Variants in PPA2 observed in about 807,000 individuals in gnomAD.
PPA2 encodes inorganic pyrophosphatase 2, mitochondrial.
Under a neutral mutation model 49.5 loss-of-function variants are expected in PPA2, and 48 were observed. The observed-to-expected ratio is 0.97, with a 90% CI of 0.77 to 1.23. The LOEUF is 1.23. PPA2 is among the 50% of genes most tolerant of loss of function. The pLI, the probability that PPA2 is intolerant of heterozygous loss-of-function variation, is 0.00. For synonymous variants in PPA2, 131 were observed against 139.9 expected, an observed-to-expected ratio of 0.94 and a Z score of 0.45; for missense variants, 429 against 410.1, an observed-to-expected ratio of 1.05 and a Z score of -0.40.
rs151230344 is a variant in PPA2 at position 105,395,104 on chromosome 4, C to T, written c.869+1145G>A. ...TAAAAAAAAAAGAGTGCTCTGCATA[C>T]GAGGTAAGAAAAAAGGGAGAAGGCC... On this transcript the variant is annotated intron_variant, in intron 9 of 11. Transcript: ENST00000341695. Among the ~76,000 whole-genome samples, 528 of 151,720 alleles carry T rather than the reference C, an allele frequency of 3.5e-3. 2 individuals are homozygous for T. The highest frequency in any genetic ancestry group is 0.012 in the African/African-American group (503 of 41,378).
rs529239215 is a variant in PPA2, at chr4:105,448,717, C to G, written c.321+633G>C. ...CCTAATAAATTAAAATTGCCATCAG[C>G]CCCAAATAAAAGTTTCAGTTCCATC... On this transcript the variant is annotated intron_variant, in intron 4 of 11. Transcript: ENST00000341695. Among the ~76,000 whole-genome samples the G allele has an allele frequency of 2.0e-4, 31 of 151,958 alleles. No homozygotes were observed. In the South Asian group the frequency reaches 6.2e-3, roughly 31 times the overall value.
chr4:105,447,292 G>A (rs1346076458), intron 4 of PPA2, among the ~76,000 whole-genome samples: 1 of 152,156 alleles, frequency 6.6e-6, no homozygotes, highest in African/African-American at 2.4e-5. Flanking sequence ...GCCAGGCACA[G>A]AAAGACAAAT....
chr4:105,415,480 C>A (rs914591710), intron 7 of PPA2, among the ~76,000 whole-genome samples: 1 of 152,238 alleles, frequency 6.6e-6, no homozygotes, highest in African/African-American at 2.4e-5. Context: ...TCGGCCTCGA[C>A]TTCACTCCAA....
intron 7 of PPA2, among the ~76,000 whole-genome samples, chr4:105,402,461 A>AAAGGAG (rs1722255631): frequency 6.6e-6 from 1 of 152,220 alleles, no homozygotes; most frequent in South Asian, 2.1e-4. Context: ...CAGGTATCTG[A>AAAGGAG]AAGGAGTGCA....
At chr4:105,378,141 G>A (rs116234202) in intron 10 of PPA2, among the ~76,000 whole-genome samples, 1 of 152,260 alleles carries the variant, frequency 6.6e-6, no homozygotes, top group African/African-American at 2.4e-5. Flanking sequence ...CCAGATGGTT[G>A]TACTATTTTG....
intron 3 of PPA2, 149 bp downstream of exon 3, chr4:105,453,449 C>G: frequency 3.8e-6 from 2 of 522,100 alleles, no homozygotes; most frequent in Non-Finnish European, 6.7e-6. Flanking sequence ...AATAGCTGCC[C>G]TAGCTGCCTT....
chr4:105,387,443 C>G (rs1409924459), intron 9 of PPA2, among the ~76,000 whole-genome samples: 1 of 152,124 alleles, frequency 6.6e-6, no homozygotes, highest in East Asian at 1.9e-4. Flanking sequence ...TAAACATATT[C>G]CCCCTCAAGT....
chr4:105,419,001 C>G (rs75275926), intron 7 of PPA2, among the ~76,000 whole-genome samples: 3,098 of 152,280 alleles, frequency 0.02, 47 homozygotes, highest in Middle Eastern at 0.061. Flanking sequence ...CTATTATTCA[C>G]ACTGGCCAAG....
At chr4:105,439,862 G>C (rs1296510467) in intron 5 of PPA2, among the ~76,000 whole-genome samples, 4 of 108,042 alleles carry the variant, frequency 3.7e-5, no homozygotes, top group Non-Finnish European at 6.9e-5. Flanking sequence ...ACAGTCCCCA[G>C]TGTGTGATGC....
At chr4:105,447,729 CTTTTTTCT>C (rs1392185468) in intron 4 of PPA2, among the ~76,000 whole-genome samples, 1 of 134,908 alleles carries the variant, frequency 7.4e-6, no homozygotes, top group Non-Finnish European at 1.6e-5. Flanking sequence ...AGTTAGTTTT[CTTTTTTCT>C]TTTTTTTTTT....
At chr4:105,473,579 G>A in intron 1 of PPA2, 1 of 575,430 alleles carries the variant, frequency 1.7e-6, no homozygotes, top group South Asian at 1.5e-5. Flanking sequence ...GCCGCCGCGG[G>A]GTGGCCGCTT....
At chr4:105,460,487 T>C (rs2110322991) in intron 1 of PPA2, among the ~76,000 whole-genome samples, 1 of 152,320 alleles carries the variant, frequency 6.6e-6, no homozygotes, top group South Asian at 2.1e-4. Flanking sequence ...CTGTAATGTA[T>C]AAATGGAAGC....
intron 7 of PPA2, among the ~76,000 whole-genome samples, chr4:105,414,873 T>A (rs1407813011): frequency 6.6e-6 from 1 of 152,170 alleles, no homozygotes; most frequent in Non-Finnish European, 1.5e-5. Flanking sequence ...CAAGGTGATT[T>A]ACTGACAGTA....
At position 105,369,680 on chromosome 4, in the gene PPA2, T is replaced by TCTTGGAGA. The variant is rs1732945758; in HGVS notation, c.*44_*45insTCTCCAAG. The stretch of plus-strand genomic sequence containing the variant: ...ACCCCCTTGTCTCTAGCACTTGGAG[T>TCTTGGAGA]CCTTAGAGATGGGAATCTTGACAGC... On this transcript the variant is annotated 3_prime_UTR_variant, in exon 12 of 12. Coordinates refer to ENST00000341695, the MANE Select transcript of PPA2 (RefSeq NM_176869.3). The TCTTGGAGA allele has an allele frequency of 8.9e-7, 1 of 1,128,574 alleles. No homozygotes were observed. Among genetic ancestry groups the TCTTGGAGA allele is most frequent in the Non-Finnish European group, 1.2e-6 (1 of 817,308 alleles). 69.9% of individuals were successfully genotyped at this position (1,128,574 alleles called of 1,614,324 possible).
intron 1 of PPA2, among the ~76,000 whole-genome samples, chr4:105,466,213 C>T (rs1279585764): frequency 6.6e-6 from 1 of 151,964 alleles, no homozygotes; most frequent in Non-Finnish European, 1.5e-5. Flanking sequence ...ATAGAGAACA[C>T]CCACTTGACC....
rs192614761 is a variant in PPA2, at chr4:105,441,099, G to T, written c.442-3063C>A. Among the ~76,000 whole-genome samples, 12 of 152,320 alleles carry T rather than the reference G, an allele frequency of 7.9e-5. No individual in the cohort carries two copies. The Middle Eastern group carries it at 0.01, about 130-fold the overall frequency. ...AGCTTTGGTTATGCCCTCTTGTGGA[G>T]TCTTATGTGTGTAACTATTAACAGA... On this transcript the variant is annotated intron_variant, in intron 5 of 11. Transcript: ENST00000341695.
intron 4 of PPA2, among the ~76,000 whole-genome samples, chr4:105,448,868 C>T (rs889397182): frequency 6.6e-6 from 1 of 151,920 alleles, no homozygotes; most frequent in African/African-American, 2.4e-5. Flanking sequence ...AAAAAAAACT[C>T]TCTATAAAAC....
At position 105,369,632 on chromosome 4, in the gene PPA2, A is replaced by G. The variant is rs1392815706; in HGVS notation, c.*93T>C. The G allele has an allele frequency of 8.3e-7, 1 of 1,209,218 alleles. No homozygotes were observed. The highest frequency in any genetic ancestry group is 1.2e-6 in the Non-Finnish European group (1 of 826,974). 74.9% of individuals were successfully genotyped at this position (1,209,218 alleles called of 1,614,324 possible). A position where few individuals can be genotyped will look rare whatever the true frequency, so the allele number is the denominator to read the frequency against. The stretch of plus-strand genomic sequence containing the variant: ...AAGTTTGAAAAAATGAAGTTTTAAC[A>G]GGAAGTCAGTAAATGCTCATAGACC... On this transcript the variant is annotated 3_prime_UTR_variant, in exon 12 of 12. Coordinates refer to ENST00000341695, the MANE Select transcript of PPA2 (RefSeq NM_176869.3).
rs1181085092 is a variant in PPA2, at chr4:105,369,768, G to T, written c.977-15C>A. On this transcript the variant is annotated splice_polypyrimidine_tract_variant and intron_variant, in intron 11 of 11. Transcript: ENST00000341695. ...CCACACTTGCTCTGCATTTAAAATG[G>T]GGAAAGAGGGTATTAGGGAAGGGAT... The T allele has an allele frequency of 1.3e-6, 2 of 1,575,578 alleles. No homozygotes were observed. The highest frequency in any genetic ancestry group is 2.7e-5 in the African/African-American group (2 of 73,958).
Sources: gnomAD v4.1 joint callset for allele counts (sites outside exome capture counted in the v4.1 genomes callset) on GRCh38, gnomAD v4.1.1 for gene constraint, MANE v1.5 for transcripts, NCBI Gene and HGNC (gene_info 2026-07-23, HGNC 2026-07-21) for gene names.